Variants in RMND5A observed in about 807,000 individuals in gnomAD.
RMND5A encodes required for meiotic nuclear division 5 homolog A.
Under a neutral mutation model 49.7 loss-of-function variants are expected in RMND5A, and 17 were observed. The ratio of observed to expected loss-of-function variants is 0.34; its 90% CI spans 0.23 to 0.51. RMND5A has a LOEUF of 0.51. Among genes scored for constraint, RMND5A ranks in the 20% least tolerant of loss-of-function variants. The pLI, the probability that RMND5A is intolerant of heterozygous loss-of-function variation, is 0.96. For synonymous variants in RMND5A, 156 were observed against 167.7 expected (o/e 0.93, Z 0.54); for missense variants, 255 against 471.3 (o/e 0.54, Z 4.25).
intron 1 of RMND5A, among the ~76,000 whole-genome samples, chr2:86,721,531 T>G (rs1477900130): frequency 6.6e-6 from 1 of 151,970 alleles, no homozygotes; most frequent in Non-Finnish European, 1.5e-5. Context: ...TGTGCACATG[T>G]TGCTAGTTAC....
chr2:86,748,344 T>TA (rs1014737192), intron 2 of RMND5A: 4 of 152,258 alleles, frequency 2.6e-5, no homozygotes, highest in African/African-American at 9.6e-5. Context: ...GAAGTTTACT[T>TA]ATCTACCTCA....
Position 86,720,659 on chromosome 2 carries a change from G to A in RMND5A, c.-9G>A, listed in dbSNP as rs756884926. The A allele has an allele frequency of 3.9e-6, 6 of 1,539,586 alleles. 1 individual carries two copies. The South Asian group carries it at 6.0e-5, about 15-fold the overall frequency. On this transcript the variant is annotated 5_prime_UTR_variant, in exon 1 of 9. Transcript: ENST00000283632. ...GGGCGCCGAGGAGCCGAGCGCCGCC[G>A]CCTCCGGCATGGATCAGTGCGTGAC... is the stretch of plus-strand genomic sequence containing the variant.
At chr2:86,772,862 G>C (rs900385781) in intron 8 of RMND5A, among the ~76,000 whole-genome samples, 1 of 151,756 alleles carries the variant, frequency 6.6e-6, no homozygotes, top group African/African-American at 2.4e-5. Context: ...CCAGGTGTGA[G>C]CCACCTTGCC....
chr2:86,720,918 G>A (rs1272891312), intron 1 of RMND5A, 109 bp downstream of exon 1: 5 of 1,096,636 alleles, frequency 4.6e-6, no homozygotes, highest in African/African-American at 1.7e-5. Context: ...CCCGGCCCTT[G>A]CCTCCCCTGA....
chr2:86,771,355 G>A, intron 7 of RMND5A: 1 of 472,426 alleles, frequency 2.1e-6, no homozygotes, highest in Non-Finnish European at 3.7e-6. Context: ...CACTTTGTCA[G>A]CTTTCTTGAA....
At chr2:86,745,032 A>G (rs542057647) in intron 2 of RMND5A, among the ~76,000 whole-genome samples, 1 of 151,666 alleles carries the variant, frequency 6.6e-6, no homozygotes, top group African/African-American at 2.4e-5. Context: ...AGTAAAAATA[A>G]TGTATTTGGG....
intron 4 of RMND5A, among the ~76,000 whole-genome samples, chr2:86,755,116 T>C (rs1429715448): frequency 6.6e-6 from 1 of 151,742 alleles, no homozygotes; most frequent in Admixed American, 6.6e-5. Flanking sequence ...CAACTACTTT[T>C]TTTTTTTTTT....
intron 4 of RMND5A, among the ~76,000 whole-genome samples, chr2:86,762,644 CAAAA>C (rs139214361): frequency 0.69 from 96,908 of 139,980 alleles, 33,484 homozygotes; most frequent in East Asian, 0.91. Context: ...AACTCTGTCT[CAAAA>C]AAAAAAAATA....
chr2:86,743,803 T>G (rs1681490407), intron 2 of RMND5A, among the ~76,000 whole-genome samples: 1 of 151,860 alleles, frequency 6.6e-6, no homozygotes, highest in South Asian at 2.1e-4. Context: ...TTGGCCAATA[T>G]GGCAAACTCC....
Position 86,775,413 on chromosome 2 carries a change from C to T in RMND5A, c.*2002C>T, listed in dbSNP as rs542075534. 6.3e-5 allele frequency: 9 copies of T among 142,000 alleles called. No individual in the cohort carries two copies. Among genetic ancestry groups the T allele is most frequent in the Non-Finnish European group, 9.0e-5 (6 of 66,636 alleles). 8.8% of individuals were successfully genotyped at this position (142,000 alleles called of 1,614,324 possible). A position where few individuals can be genotyped will look rare whatever the true frequency, so the allele number is the denominator to read the frequency against. On this transcript the variant is annotated 3_prime_UTR_variant, in exon 9 of 9. Transcript: ENST00000283632. Reference sequence around the variant, plus strand: ...TCTTTCCACCCAAACACCTACACAACGTTTAGGCTTCCTGTAAGGTTTGAA... The same window carrying T: ...TCTTTCCACCCAAACACCTACACAATGTTTAGGCTTCCTGTAAGGTTTGAA...
intron 2 of RMND5A, among the ~76,000 whole-genome samples, chr2:86,751,502 T>G (rs1681632181): frequency 6.6e-6 from 1 of 152,202 alleles, no homozygotes; most frequent in Non-Finnish European, 1.5e-5. Flanking sequence ...CATGGATTAT[T>G]ATGTTGATAG....
intron 3 of RMND5A, among the ~76,000 whole-genome samples, chr2:86,752,422 A>C (rs1456392574): frequency 3.9e-5 from 6 of 152,258 alleles, no homozygotes; most frequent in Non-Finnish European, 7.3e-5. Flanking sequence ...CGATTTTATC[A>C]AATGAATTTC....
chr2:86,752,006 G>A lies in RMND5A; in HGVS notation c.396G>A (p.Leu132=). The part of the protein sequence containing the change: ...MVEHFFRQGM[L]DVAEELCQES... ...AGCACTTCTTTCGACAAGGAATGCT[G>A]GATGTGGCTGAGGAGCTCTGTCAGG... Residue 132 remains leucine, a synonymous_variant, in exon 3 of 9, where the codon CTG becomes CTA. Coordinates refer to ENST00000283632, the MANE Select transcript of RMND5A (RefSeq NM_022780.4). 1 of 1,613,894 alleles carries A rather than the reference G, an allele frequency of 6.2e-7. No individual in the cohort carries two copies. The highest frequency in any genetic ancestry group is 8.5e-7 in the Non-Finnish European group (1 of 1,179,894).
At position 86,726,690 on chromosome 2, in the gene RMND5A, C is replaced by A. The variant is rs1681286813; in HGVS notation, c.142+5881C>A. 3.9e-5 allele frequency among the ~76,000 whole-genome samples: 3 copies of A among 77,480 alleles called. 1 individual carries two copies. The highest frequency in any genetic ancestry group is 8.0e-5 in the Non-Finnish European group (3 of 37,436). The allele number at this position is 77,480 out of a possible 152,430, so 50.8% of individuals were successfully genotyped here. A position where few individuals can be genotyped will look rare whatever the true frequency, so the allele number is the denominator to read the frequency against. ...GTTAGCCATTCTTTTTCCAGACGTA[C>A]TCTGGAGATAATTAATTCTTTTTTA... On this transcript the variant is annotated intron_variant, in intron 1 of 8. Coordinates refer to ENST00000283632, the MANE Select transcript of RMND5A (RefSeq NM_022780.4).
chr2:86,746,956 A>G (rs1681547598), intron 2 of RMND5A, among the ~76,000 whole-genome samples: 1 of 152,238 alleles, frequency 6.6e-6, no homozygotes, highest in East Asian at 1.9e-4. Context: ...CATCTACAAA[A>G]TGCTGATTAT....
In RMND5A at chr2:86,775,328, C is replaced by CTTTTTTTT. The variant is rs745985415; in HGVS notation, c.*1931_*1938dup. ...TAGAGTGTTGTATTTTTCTTTCTTTCTTTTTTTTTTTTTTTTTTTTTACCC... is the reference window on the plus strand; with the variant it reads ...TAGAGTGTTGTATTTTTCTTTCTTTCTTTTTTTTTTTTTTTTTTTTTTTTTTTTTACCC... On this transcript the variant is annotated 3_prime_UTR_variant, in exon 9 of 9. Transcript: ENST00000283632. 4 of 27,698 alleles carry CTTTTTTTT rather than the reference C, an allele frequency of 1.4e-4. No individual in the cohort carries two copies. The highest frequency in any genetic ancestry group is 3.2e-4 in the Non-Finnish European group (4 of 12,444). 1.7% of individuals were successfully genotyped at this position (27,698 alleles called of 1,614,324 possible). A position where few individuals can be genotyped will look rare whatever the true frequency, so the allele number is the denominator to read the frequency against.
intron 4 of RMND5A, among the ~76,000 whole-genome samples, chr2:86,759,653 T>A (rs1416550713): frequency 9.4e-5 from 14 of 148,264 alleles, no homozygotes; most frequent in Middle Eastern, 3.5e-3. Context: ...ATACAAAATT[T>A]GCCAGGCGCG....
chr2:86,768,336 CTG>C (rs971351698), intron 6 of RMND5A, among the ~76,000 whole-genome samples: 3 of 152,176 alleles, frequency 2.0e-5, no homozygotes, highest in Admixed American at 6.5e-5. Flanking sequence ...ACTGTGGGCA[CTG>C]TGTTGGATAT....
intron 4 of RMND5A, 27 bp downstream of exon 4, chr2:86,753,585 A>C: frequency 8.1e-7 from 1 of 1,233,158 alleles, no homozygotes; most frequent in Non-Finnish European, 1.2e-6. Context: ...CTTTCTTTTG[A>C]GTACTTTGAG....
Sources: gnomAD v4.1 joint callset for allele counts (sites outside exome capture counted in the v4.1 genomes callset) on GRCh38, gnomAD v4.1.1 for gene constraint, MANE v1.5 for transcripts, NCBI Gene and HGNC (gene_info 2026-07-23, HGNC 2026-07-21) for gene names.